The following ZMAT4 variants were observed in gnomAD, a reference collection of about 807,000 sequenced individuals.
The protein encoded by ZMAT4 is zinc finger matrin-type 4, also known as zinc finger matrin-type protein 4.
In ZMAT4, 17 loss-of-function variants were observed where a neutral mutation model predicts 28.7. The ratio of observed to expected loss-of-function variants is 0.59; its 90% CI spans 0.41 to 0.89. The LOEUF is 0.89. Among genes scored for constraint, ZMAT4 ranks in the 40% least tolerant of loss-of-function variants. ZMAT4 has a pLI of 0.00. For synonymous variants in ZMAT4, 117 were observed against 109.2 expected (o/e 1.07, Z -0.44); for missense variants, 240 against 283.8 (o/e 0.85, Z 1.11).
In ZMAT4 at chr8:40,718,822, G is replaced by A. The variant is rs146165443; in HGVS notation, c.193-21421C>T. Among the ~76,000 whole-genome samples, 298 of 152,310 alleles carry A rather than the reference G, an allele frequency of 2.0e-3. 5 individuals are homozygous for A. Among genetic ancestry groups the A allele is most frequent in the African/African-American group, 6.7e-3 (277 of 41,566 alleles). ...AAGAGTTCTGGGGGCACAAGATAAT[G>A]ACTTCCAAAGTGGAAGCAATTATCT... On this transcript the variant is annotated intron_variant, in intron 3 of 6. Coordinates refer to ENST00000297737, the MANE Select transcript of ZMAT4 (RefSeq NM_024645.3).
At chr8:40,677,137 T>C (rs979711100) in intron 4 of ZMAT4, among the ~76,000 whole-genome samples, 3 of 152,212 alleles carry the variant, frequency 2.0e-5, no homozygotes, top group Non-Finnish European at 2.9e-5. Flanking sequence ...GTCGATTTTA[T>C]CAACTGATAC....
At chr8:40,577,417 G>A (rs1804304330) in intron 6 of ZMAT4, among the ~76,000 whole-genome samples, 1 of 152,076 alleles carries the variant, frequency 6.6e-6, no homozygotes, top group Admixed American at 6.5e-5. Context: ...AAGTGAAATA[G>A]CCTGGCACAA....
chr8:40,627,849 G>A (rs546850358), intron 5 of ZMAT4, among the ~76,000 whole-genome samples: 1 of 152,104 alleles, frequency 6.6e-6, no homozygotes, highest in Admixed American at 6.5e-5. Context: ...GGGATGGGGC[G>A]GGAGGGAAAG....
At chr8:40,615,225 C>A (rs1285069603) in intron 5 of ZMAT4, among the ~76,000 whole-genome samples, 1 of 152,058 alleles carries the variant, frequency 6.6e-6, no homozygotes, top group Non-Finnish European at 1.5e-5. Flanking sequence ...GTTGAAAATT[C>A]TTTTCTTTAA....
At chr8:40,847,538 G>A (rs993250759) in intron 1 of ZMAT4, among the ~76,000 whole-genome samples, 1 of 152,158 alleles carries the variant, frequency 6.6e-6, no homozygotes, top group Admixed American at 6.5e-5. Context: ...AGGGGAGGAC[G>A]TGGGAAGGCA....
At chr8:40,595,920 C>A (rs1454863364) in intron 5 of ZMAT4, among the ~76,000 whole-genome samples, 1 of 151,984 alleles carries the variant, frequency 6.6e-6, no homozygotes, top group Non-Finnish European at 1.5e-5. Flanking sequence ...CCCATCTCTA[C>A]TAAAAATACA....
At chr8:40,624,302 A>G (rs1009579288) in intron 5 of ZMAT4, among the ~76,000 whole-genome samples, 1 of 152,228 alleles carries the variant, frequency 6.6e-6, no homozygotes, top group African/African-American at 2.4e-5. Context: ...AGGAAAGATC[A>G]TGTGAGGGTC....
chr8:40,550,904 A>T (rs1348825689), intron 6 of ZMAT4, among the ~76,000 whole-genome samples: 2 of 152,196 alleles, frequency 1.3e-5, no homozygotes, highest in African/African-American at 2.4e-5. Context: ...AAAATAGCTT[A>T]TTTCCTGCAG....
intron 1 of ZMAT4, among the ~76,000 whole-genome samples, chr8:40,826,612 T>A (rs996864223): frequency 8.5e-5 from 13 of 152,112 alleles, no homozygotes; most frequent in Admixed American, 7.2e-4. Flanking sequence ...CAGACTAAAC[T>A]ATAACTTTCC....
chr8:40,649,617 T>C (rs577627353), intron 5 of ZMAT4, among the ~76,000 whole-genome samples: 4 of 152,062 alleles, frequency 2.6e-5, no homozygotes, highest in South Asian at 2.1e-4. Context: ...ATCAACAGAA[T>C]ATACATTTTT....
At chr8:40,849,976 T>TCATC (rs1243932880) in intron 1 of ZMAT4, among the ~76,000 whole-genome samples, 1 of 152,112 alleles carries the variant, frequency 6.6e-6, no homozygotes, top group African/African-American at 2.4e-5. Context: ...GGATCGCTCC[T>TCATC]CATCCACTCC....
chr8:40,615,134 C>T (rs111559872), intron 5 of ZMAT4, among the ~76,000 whole-genome samples: 1,903 of 152,232 alleles, frequency 0.013, 20 homozygotes, highest in Non-Finnish European at 0.02. Context: ...GTGACAAAAT[C>T]TCTCAGCATT....
chr8:40,619,683 G>A (rs536014653), intron 5 of ZMAT4, among the ~76,000 whole-genome samples: 5 of 152,316 alleles, frequency 3.3e-5, no homozygotes, highest in African/African-American at 9.6e-5. Flanking sequence ...AGCATTTAGG[G>A]AAGAGCTCAT....
At chr8:40,556,372 G>A (rs966749452) in intron 6 of ZMAT4, among the ~76,000 whole-genome samples, 3 of 152,062 alleles carry the variant, frequency 2.0e-5, no homozygotes, top group African/African-American at 2.4e-5. Flanking sequence ...TCTCTCAAAC[G>A]AGCATTTCCT....
At chr8:40,560,197 T>TTATATATA (rs4038742) in intron 6 of ZMAT4, among the ~76,000 whole-genome samples, 5 of 142,146 alleles carry the variant, frequency 3.5e-5, no homozygotes, top group East Asian at 2.0e-4. Context: ...TTGTCAAACT[T>TTATATATA]TATATATATA....
chr8:40,580,820 G>A (rs1044694731), intron 6 of ZMAT4, among the ~76,000 whole-genome samples: 2 of 152,122 alleles, frequency 1.3e-5, no homozygotes, highest in East Asian at 3.9e-4. Flanking sequence ...AGGGAAAGTG[G>A]TAGAAGACAT....
At chr8:40,860,454 T>C (rs1817449152) in intron 1 of ZMAT4, among the ~76,000 whole-genome samples, 1 of 152,246 alleles carries the variant, frequency 6.6e-6, no homozygotes, top group Non-Finnish European at 1.5e-5. Flanking sequence ...GAGAATATAA[T>C]ATTCCTTTTC....
chr8:40,595,850 G>A (rs1296794791), intron 5 of ZMAT4, among the ~76,000 whole-genome samples: 11 of 152,044 alleles, frequency 7.2e-5, no homozygotes, highest in African/African-American at 2.2e-4. Context: ...TTGGGAGGCC[G>A]AGGCAGGCAG....
chr8:40,892,690 G>A (rs1437416265), intron 1 of ZMAT4, among the ~76,000 whole-genome samples: 3 of 152,218 alleles, frequency 2.0e-5, no homozygotes, highest in Non-Finnish European at 4.4e-5. Context: ...GTGTGACAAC[G>A]CCAAGGCCTG....
Sources: allele counts gnomAD v4.1 joint callset (sites outside exome capture counted in the v4.1 genomes callset), GRCh38; gene constraint gnomAD v4.1.1; transcripts MANE v1.5; gene names NCBI Gene and HGNC (gene_info 2026-07-23, HGNC 2026-07-21).